COL5A2: variants seen among roughly 807,000 people sequenced by gnomAD.
COL5A2 encodes collagen type V alpha 2 chain, also known as collagen alpha-2(V) chain.
A neutral mutation model predicts 208.2 loss-of-function variants in COL5A2; 23 were observed. The ratio of observed to expected loss-of-function variants is 0.11; its 90% confidence interval spans 0.08 to 0.16. COL5A2 has a LOEUF of 0.16. Ranked by LOEUF, COL5A2 falls within the 10% of genes least tolerant of loss-of-function variation. The pLI is 1.00. For missense variants in COL5A2, 1,590 were observed against 1,956.4 expected (o/e 0.81, Z 3.53); for synonymous variants, 625 against 628.5 (o/e 0.99, Z 0.08).
chr2:189,128,268 A>C (rs746622194), intron 1 of COL5A2, among the ~76,000 whole-genome samples: 19 of 151,988 alleles, frequency 1.3e-4, no homozygotes, highest in Non-Finnish European at 2.1e-4. Context: ...TTATGTTTGT[A>C]AAAAGTAGGT....
the COL5A2 span, among the ~76,000 whole-genome samples, chr2:189,251,471 C>T: frequency 6.6e-6 from 1 of 152,088 alleles, no homozygotes; most frequent in Non-Finnish European, 1.5e-5. Flanking sequence ...AAAAGATTAA[C>T]CCTTCTAAAG....
At chr2:189,413,049 G>T in the COL5A2 span, among the ~76,000 whole-genome samples, 4 of 152,292 alleles carry the variant, frequency 2.6e-5, no homozygotes, top group Non-Finnish European at 4.4e-5. Flanking sequence ...TTAAGTAAAG[G>T]TCCAGATGTA....
chr2:189,052,243 T>C lies in COL5A2; in HGVS notation c.2716-18A>G. On this transcript the variant is annotated intron_variant, in intron 40 of 53. Transcript: ENST00000374866. ...GTAGCACCCTAGAACCAGAATATCA[T>C]ATAAGCAATTTTTAAGGTAATATAA... 3.1e-6 allele frequency: 5 copies of C among 1,612,600 alleles called. No individual in the cohort carries two copies. Among genetic ancestry groups the C allele is most frequent in the Non-Finnish European group, 4.2e-6 (5 of 1,178,828 alleles).
the COL5A2 span, among the ~76,000 whole-genome samples, chr2:189,245,572 C>T: frequency 6.6e-6 from 1 of 150,724 alleles, no homozygotes; most frequent in Non-Finnish European, 1.5e-5. Context: ...GCAAGCTCCG[C>T]CTCCCGGGTT....
chr2:189,070,377 A>G (rs2105609376), intron 18 of COL5A2, among the ~76,000 whole-genome samples: 1 of 152,310 alleles, frequency 6.6e-6, no homozygotes. Context: ...TTTATTCTTT[A>G]GTCAGAGAGC....
At chr2:189,292,067 T>C in the COL5A2 span, among the ~76,000 whole-genome samples, 1 of 152,262 alleles carries the variant, frequency 6.6e-6, no homozygotes, top group East Asian at 1.9e-4. Context: ...TTTTGCATTT[T>C]CCTAGAGAGA....
chr2:189,379,253 T>TA, the COL5A2 span, among the ~76,000 whole-genome samples: 572 of 152,080 alleles, frequency 3.8e-3, 5 homozygotes, highest in African/African-American at 0.013. Flanking sequence ...ACTTTTGATT[T>TA]AAAAAAAATG....
intron 1 of COL5A2, among the ~76,000 whole-genome samples, chr2:189,113,599 ATAAT>A (rs1228508650): frequency 2.7e-5 from 4 of 149,044 alleles, no homozygotes; most frequent in African/African-American, 9.8e-5. Context: ...ATAGATGAAT[ATAAT>A]TAACTTATTA....
rs1158288848 is a variant in COL5A2 at position 189,034,018 on chromosome 2, A to C, written c.*52T>G. Reference sequence around the variant, plus strand: ...CTTCAAACAGTCAAAGTTCTTGTGAATGGCGGTGGTCATTGATGGTGGTGC... The same window carrying C: ...CTTCAAACAGTCAAAGTTCTTGTGACTGGCGGTGGTCATTGATGGTGGTGC... On this transcript the variant is annotated 3_prime_UTR_variant, in exon 54 of 54. Transcript: ENST00000374866. The C allele has an allele frequency of 6.2e-7, 1 of 1,612,360 alleles. No homozygotes were observed. The highest frequency in any genetic ancestry group is 1.7e-5 in the Admixed American group (1 of 59,956).
chr2:189,262,278 C>T, the COL5A2 span, among the ~76,000 whole-genome samples: 1 of 152,016 alleles, frequency 6.6e-6, no homozygotes, highest in Non-Finnish European at 1.5e-5. Context: ...CTGTCCAAAC[C>T]CTACCTTCAG....
At chr2:189,309,142 G>C in the COL5A2 span, among the ~76,000 whole-genome samples, 1 of 152,152 alleles carries the variant, frequency 6.6e-6, no homozygotes. Flanking sequence ...CAACCTCATC[G>C]AGAATGTCAG....
At chr2:189,135,395 G>A (rs760571619) in intron 1 of COL5A2, among the ~76,000 whole-genome samples, 10 of 152,124 alleles carry the variant, frequency 6.6e-5, no homozygotes, top group Non-Finnish European at 1.5e-4. Context: ...GGCTTTGAAC[G>A]CTCTATGAAT....
the COL5A2 span, among the ~76,000 whole-genome samples, chr2:189,272,645 G>T: frequency 6.6e-6 from 1 of 152,014 alleles, no homozygotes; most frequent in Non-Finnish European, 1.5e-5. Context: ...ATGTATCCCA[G>T]AACTTAAAGT....
chr2:189,388,197 G>A, the COL5A2 span, among the ~76,000 whole-genome samples: 1 of 152,162 alleles, frequency 6.6e-6, no homozygotes, highest in Non-Finnish European at 1.5e-5. Flanking sequence ...CCTGGAGGAC[G>A]ATAAGATAAA....
At chr2:189,034,822 T>G in intron 53 of COL5A2, 94 bp downstream of exon 53, 1 of 1,473,228 alleles carries the variant, frequency 6.8e-7, no homozygotes, top group East Asian at 2.3e-5. Flanking sequence ...ATATACAAGG[T>G]AAAATTGCCC....
the COL5A2 span, among the ~76,000 whole-genome samples, chr2:189,344,203 A>G: frequency 2.0e-5 from 3 of 152,214 alleles, no homozygotes; most frequent in South Asian, 6.2e-4. Context: ...TTTTATGAAC[A>G]TGTTTACATG....
At chr2:189,353,762 T>G in the COL5A2 span, among the ~76,000 whole-genome samples, 1 of 152,222 alleles carries the variant, frequency 6.6e-6, no homozygotes. Flanking sequence ...CCTCTTTTCC[T>G]ATTTGAATAC....
At chr2:189,275,359 GGC>G in the COL5A2 span, among the ~76,000 whole-genome samples, 1 of 151,130 alleles carries the variant, frequency 6.6e-6, no homozygotes, top group Non-Finnish European at 1.5e-5. Context: ...TTTCCATTTG[GGC>G]ATCTTTTTTC....
At chr2:189,323,152 G>A in the COL5A2 span, among the ~76,000 whole-genome samples, 1 of 152,110 alleles carries the variant, frequency 6.6e-6, no homozygotes, top group South Asian at 2.1e-4. Flanking sequence ...AATAAATTAG[G>A]TACTGATGGG....
Sources: allele counts gnomAD v4.1 joint callset (sites outside exome capture counted in the v4.1 genomes callset), GRCh38; gene constraint gnomAD v4.1.1; transcripts MANE v1.5; gene names NCBI Gene and HGNC (gene_info 2026-07-23, HGNC 2026-07-21).